MCF2L: variants seen among roughly 807,000 people sequenced by gnomAD.
The protein encoded by MCF2L is guanine nucleotide exchange factor DBS.
Under a neutral mutation model 153.4 loss-of-function variants are expected in MCF2L, and 97 were observed. That is an observed-to-expected ratio of 0.63 (90% CI 0.54 to 0.75). The LOEUF is 0.75. Among genes scored for constraint, MCF2L ranks in the 30% least tolerant of loss-of-function variants. The probability of loss-of-function intolerance (pLI) is 0.00; values close to 1 mark genes in which losing one functional copy is unlikely to be tolerated. For missense variants in MCF2L, 1,347 were observed against 1,495.2 expected (o/e 0.90, Z 1.64); for synonymous variants, 659 against 632.2 (o/e 1.04, Z -0.64).
At position 113,074,806 on chromosome 13, in the gene MCF2L, G is replaced by A. The variant is rs561885674; in HGVS notation, c.1117-192G>A. ...CTGCAGACGGTCAATGCCTTTGCTG[G>A]GACCACCACAGCCCCCAGAAGCACT... On this transcript the variant is annotated intron_variant, in intron 10 of 29. Coordinates refer to ENST00000535094, the MANE Select transcript of MCF2L (RefSeq NM_001112732.3). The surrounding 1 kb of genome is among the most constrained non-coding windows in gnomAD (Gnocchi z 4.2). 6.6e-6 allele frequency among the ~76,000 whole-genome samples: 1 copy of A among 152,174 alleles called. No individual in the cohort carries two copies. Among genetic ancestry groups the A allele is most frequent in the South Asian group, 2.1e-4 (1 of 4,820 alleles).
intron 1 of MCF2L, among the ~76,000 whole-genome samples, chr13:112,900,823 G>A (rs969251983): frequency 3.3e-5 from 5 of 152,102 alleles, no homozygotes; most frequent in African/African-American, 7.2e-5. Context: ...CTCCAGGGCC[G>A]GGCATTGGTG....
intron 1 of MCF2L, chr13:113,001,955 G>T (rs750666593): frequency 2.5e-6 from 4 of 1,592,192 alleles, no homozygotes; most frequent in South Asian, 2.2e-5. Context: ...ACCTCTGGGC[G>T]CTGTGGCTGC....
chr13:113,092,915 G>A (rs1366357292), intron 26 of MCF2L, among the ~76,000 whole-genome samples: 11 of 152,246 alleles, frequency 7.2e-5, no homozygotes, highest in African/African-American at 1.4e-4. Context: ...GGGCAGAGTC[G>A]CTTGGGTTTC....
chr13:113,076,419 C>T (rs997604754), intron 12 of MCF2L, among the ~76,000 whole-genome samples: 13 of 152,154 alleles, frequency 8.5e-5, no homozygotes, highest in African/African-American at 3.1e-4. Context: ...CGCCCACCAC[C>T]AAGCCTGGCT....
chr13:113,065,819 C>T (rs2032271871), intron 7 of MCF2L, among the ~76,000 whole-genome samples: 1 of 152,208 alleles, frequency 6.6e-6, no homozygotes, highest in South Asian at 2.1e-4. Flanking sequence ...CCCTGAGTGC[C>T]CTGTAATGGC....
At chr13:112,973,174 C>T (rs1173547972) in intron 1 of MCF2L, among the ~76,000 whole-genome samples, 3 of 152,100 alleles carry the variant, frequency 2.0e-5, no homozygotes, top group African/African-American at 4.8e-5. Flanking sequence ...TTCTGACGGA[C>T]GCCTTAGCAC....
At chr13:112,995,535 G>A (rs757282480) in intron 1 of MCF2L, among the ~76,000 whole-genome samples, 6 of 152,226 alleles carry the variant, frequency 3.9e-5, no homozygotes, top group Non-Finnish European at 5.9e-5. Context: ...GAGCAGAGGG[G>A]AGCTGGCGGC....
Position 113,041,740 on chromosome 13 carries a change from G to C in MCF2L, c.279-3531G>C, listed in dbSNP as rs373390494. ...CATGGGGCTGAGGGGGTGTGGACGA[G>C]TGTCCACCTGGGCCCTGCATAGGGG... On this transcript the variant is annotated intron_variant, in intron 3 of 29. Coordinates refer to ENST00000535094, the MANE Select transcript of MCF2L (RefSeq NM_001112732.3). Among the ~76,000 whole-genome samples, 9 of 152,266 alleles carry C rather than the reference G, an allele frequency of 5.9e-5. No homozygotes were observed. In the East Asian group the frequency reaches 9.7e-4, roughly 16 times the overall value.
At chr13:112,986,628 C>A (rs2082653461) in intron 1 of MCF2L, among the ~76,000 whole-genome samples, 1 of 152,234 alleles carries the variant, frequency 6.6e-6, no homozygotes, top group Non-Finnish European at 1.5e-5. Flanking sequence ...AACGCAAGAG[C>A]CACGCAAACC....
At chr13:113,043,577 C>T (rs2141508024) in intron 3 of MCF2L, 1 of 152,302 alleles carries the variant, frequency 6.6e-6, no homozygotes, top group East Asian at 1.9e-4. Context: ...GTGCCTCTCC[C>T]AAGGGAGCAC....
At chr13:113,034,624 G>A (rs544899862) in intron 3 of MCF2L, among the ~76,000 whole-genome samples, 5 of 149,152 alleles carry the variant, frequency 3.4e-5, no homozygotes, top group African/African-American at 9.9e-5. Flanking sequence ...TCTCACCCTC[G>A]CCCTGGTCTC....
intron 2 of MCF2L, among the ~76,000 whole-genome samples, chr13:112,936,321 ACC>A (rs1263849986): frequency 6.7e-6 from 1 of 148,756 alleles, no homozygotes; most frequent in African/African-American, 2.5e-5. Flanking sequence ...TCCTGCCAAC[ACC>A]TTGACCTTGG....
At chr13:112,895,651 A>G (rs759021222) in intron 1 of MCF2L, among the ~76,000 whole-genome samples, 1 of 152,100 alleles carries the variant, frequency 6.6e-6, no homozygotes, top group Non-Finnish European at 1.5e-5. Context: ...GGACCCCGGG[A>G]GCCTGTGGAG....
chr13:112,951,923 A>G lies in MCF2L; in HGVS notation c.169+49552A>G, dbSNP rs2081698405. On this transcript the variant is annotated intron_variant, in intron 2 of 29. Coordinates refer to the MCF2L transcript ENST00000375608. The surrounding 1 kb of genome is among the most constrained non-coding windows in gnomAD (Gnocchi z 4.8). ...ATTCACTCTCTGTCAACAAACCCAC[A>G]TACACGCACCGCATTACAAGGGCTT... Among the ~76,000 whole-genome samples, 1 of 152,366 alleles carries G rather than the reference A, an allele frequency of 6.6e-6. No homozygotes were observed. The highest frequency in any genetic ancestry group is 6.5e-5 in the Admixed American group (1 of 15,310).
intron 4 of MCF2L, among the ~76,000 whole-genome samples, chr13:113,049,518 G>T (rs1566800431): frequency 6.6e-6 from 1 of 152,212 alleles, no homozygotes; most frequent in Non-Finnish European, 1.5e-5. Context: ...GCACCTGGAC[G>T]CCAACCCCTG....
In MCF2L at chr13:113,087,222, G is replaced by C; in HGVS notation, c.2374-13G>C. ...ATCCCGTCCTGAACACAGCCCTGCT[G>C]TCGCACATTTAGGGGAATCTCGGCG... On this transcript the variant is annotated splice_polypyrimidine_tract_variant and intron_variant, in intron 21 of 29. Coordinates refer to ENST00000535094, the MANE Select transcript of MCF2L (RefSeq NM_001112732.3). 6.2e-7 allele frequency: 1 copy of C among 1,608,222 alleles called. No individual in the cohort carries two copies. Among genetic ancestry groups the C allele is most frequent in the Non-Finnish European group, 8.5e-7 (1 of 1,177,546 alleles).
intron 1 of MCF2L, among the ~76,000 whole-genome samples, chr13:112,992,631 G>A (rs2082938871): frequency 6.6e-6 from 1 of 152,228 alleles, no homozygotes; most frequent in Non-Finnish European, 1.5e-5. Context: ...TGGGCCCACT[G>A]AATAATGATG....
chr13:113,066,097 A>T lies in MCF2L; in HGVS notation c.808A>T (p.Arg270Trp). 1 of 1,613,186 alleles carries T rather than the reference A, an allele frequency of 6.2e-7. No homozygotes were observed. Among genetic ancestry groups the T allele is most frequent in the Non-Finnish European group, 8.5e-7 (1 of 1,179,824 alleles). ...GGGGCACAGTGTCCTGGAGAGCCTC[A>T]GGGAGCTGCAGGCTGAGGGCTCAGA... Reference protein sequence around the residue: ...KEGHSVLESLRELQAEGSEPS... With the variant: ...KEGHSVLESLWELQAEGSEPS... Residue 270 changes from arginine to tryptophan, a missense_variant, in exon 8 of 30, where the codon AGG becomes TGG. Around this residue, in one of 3 missense-constraint regions of MCF2L, gnomAD observed 820 missense variants for 921.2 expected, o/e 0.89. Transcript: ENST00000535094.
intron 2 of MCF2L, among the ~76,000 whole-genome samples, chr13:112,954,540 G>C (rs1247743103): frequency 1.3e-5 from 2 of 152,190 alleles, no homozygotes; most frequent in African/African-American, 4.8e-5. Context: ...ACCAGAGGAG[G>C]GTTTGCATGG....
Sources: gnomAD v4.1 joint callset for allele counts (sites outside exome capture counted in the v4.1 genomes callset) on GRCh38, gnomAD v4.1.1 for gene constraint, gnomAD v4.1.1 regional missense constraint, Gnocchi (gnomAD v3.1) non-coding constraint, MANE v1.5 for transcripts, NCBI Gene and HGNC (gene_info 2026-07-23, HGNC 2026-07-21) for gene names.